Variants in SEMA6D observed in about 807,000 individuals in gnomAD.
SEMA6D encodes semaphorin-6D.
A neutral mutation model predicts 106.6 loss-of-function variants in SEMA6D; 35 were observed. That is an observed-to-expected ratio of 0.33 (90% CI 0.25 to 0.44). The LOEUF is 0.44. Ranked by LOEUF, SEMA6D falls within the 20% of genes least tolerant of loss-of-function variation. The pLI is 1.00. For synonymous variants in SEMA6D, 499 were observed against 487.7 expected, an observed-to-expected ratio of 1.02 and a Z score of -0.31; for missense variants, 1,185 against 1,345.9, an observed-to-expected ratio of 0.88 and a Z score of 1.87.
intron 1 of SEMA6D, among the ~76,000 whole-genome samples, chr15:47,403,125 T>A (rs1016026153): frequency 6.6e-6 from 1 of 152,180 alleles, no homozygotes; most frequent in Admixed American, 6.5e-5. Context: ...TTGGATTTAA[T>A]GAGTAGGAAG....
At chr15:47,688,442 A>C (rs901408208) in intron 4 of SEMA6D, among the ~76,000 whole-genome samples, 2 of 152,210 alleles carry the variant, frequency 1.3e-5, no homozygotes, top group Non-Finnish European at 2.9e-5. Flanking sequence ...ATCATAATAG[A>C]AGCTGGAATA....
chr15:47,231,742 C>T (rs1178127335), intron 1 of SEMA6D, among the ~76,000 whole-genome samples: 1 of 151,998 alleles, frequency 6.6e-6, no homozygotes, highest in African/African-American at 2.4e-5. Flanking sequence ...TTTTCTAATT[C>T]TTACCCTGCT....
intron 1 of SEMA6D, among the ~76,000 whole-genome samples, chr15:47,273,204 A>G (rs1159829462): frequency 6.6e-6 from 1 of 152,054 alleles, no homozygotes; most frequent in South Asian, 2.1e-4. Context: ...TGATGCCCCA[A>G]GAGTGAGATA....
chr15:47,666,932 C>A (rs908466152), intron 4 of SEMA6D, among the ~76,000 whole-genome samples: 1 of 152,158 alleles, frequency 6.6e-6, no homozygotes, highest in African/African-American at 2.4e-5. Context: ...TGGGAGAGTG[C>A]CCAAGCCACA....
chr15:47,541,945 T>C (rs917951682), intron 3 of SEMA6D, among the ~76,000 whole-genome samples: 10 of 152,164 alleles, frequency 6.6e-5, no homozygotes, highest in Non-Finnish European at 1.3e-4. Context: ...TTGCAGCTGC[T>C]TATTTGATTT....
At chr15:47,729,945 G>C (rs1024796544) in intron 1 of SEMA6D, among the ~76,000 whole-genome samples, 3 of 152,230 alleles carry the variant, frequency 2.0e-5, no homozygotes, top group African/African-American at 4.8e-5. Context: ...GCTAGCCTTA[G>C]TTTTCTCCTT....
chr15:47,316,115 C>G (rs1014848496), intron 1 of SEMA6D, among the ~76,000 whole-genome samples: 31 of 2,056 alleles, frequency 0.015, no homozygotes, highest in African/African-American at 0.047. Flanking sequence ...TTTTTTGAGA[C>G]AGAATCTTGT....
At chr15:47,225,127 T>G (rs1171567161) in intron 1 of SEMA6D, among the ~76,000 whole-genome samples, 1 of 151,980 alleles carries the variant, frequency 6.6e-6, no homozygotes, top group Non-Finnish European at 1.5e-5. Context: ...TCACCAACTC[T>G]GGAGACTTGA....
Position 47,731,000 on chromosome 15 carries a change from C to T in SEMA6D, c.-55+13308C>T, listed in dbSNP as rs927052759. ...TTACCTAAGCAGTACAATCAAATAC[C>T]ATGCTGATTTTAGAAAATATTAATC... On this transcript the variant is annotated intron_variant, in intron 1 of 18. Transcript: ENST00000536845. 9 of 610,312 alleles carry T rather than the reference C, an allele frequency of 1.5e-5. No homozygotes were observed. The Admixed American group carries it at 2.3e-4, about 16-fold the overall frequency. 37.8% of individuals were successfully genotyped at this position (610,312 alleles called of 1,614,324 possible). A position where few individuals can be genotyped will look rare whatever the true frequency, so the allele number is the denominator to read the frequency against.
intron 1 of SEMA6D, among the ~76,000 whole-genome samples, chr15:47,729,737 T>C (rs1181894062): frequency 1.3e-5 from 2 of 152,218 alleles, no homozygotes; most frequent in Non-Finnish European, 2.9e-5. Context: ...TCCCTCACTC[T>C]CTTACCCATC....
intron 1 of SEMA6D, among the ~76,000 whole-genome samples, chr15:47,355,889 G>A (rs1382231342): frequency 6.6e-6 from 1 of 152,136 alleles, no homozygotes; most frequent in Non-Finnish European, 1.5e-5. Flanking sequence ...GCAACATTTT[G>A]TTGTTTTAAA....
At chr15:47,556,975 T>C (rs781222931) in intron 3 of SEMA6D, among the ~76,000 whole-genome samples, 1 of 152,142 alleles carries the variant, frequency 6.6e-6, no homozygotes, top group Non-Finnish European at 1.5e-5. Flanking sequence ...ACCTCATCAC[T>C]AAAATGTACA....
intron 3 of SEMA6D, among the ~76,000 whole-genome samples, chr15:47,480,462 C>G (rs1490108762): frequency 6.6e-6 from 1 of 152,104 alleles, no homozygotes; most frequent in East Asian, 1.9e-4. Flanking sequence ...CATTATTCTC[C>G]TTCAGACCCT....
chr15:47,712,123 G>T lies in SEMA6D; in HGVS notation c.-54-47622G>T, dbSNP rs138168073. Among the ~76,000 whole-genome samples, 580 of 152,270 alleles carry T rather than the reference G, an allele frequency of 3.8e-3. 2 individuals are homozygous for T. Among genetic ancestry groups the T allele is most frequent in the African/African-American group, 0.013 (550 of 41,558 alleles). ...AATAGAATGTATATAATATACAGAG[G>T]TTTAAACTATGCTATGAATCCTATT... On this transcript the variant is annotated intron_variant, in intron 4 of 19. Transcript: ENST00000558014.
intron 1 of SEMA6D, chr15:47,241,178 T>A (rs1429883148): frequency 6.6e-6 from 1 of 152,214 alleles, no homozygotes; most frequent in Non-Finnish European, 1.5e-5. Context: ...TAGAGTTAAA[T>A]GACTCTATTG....
At chr15:47,209,169 T>C (rs572451179) in intron 1 of SEMA6D, among the ~76,000 whole-genome samples, 24 of 152,284 alleles carry the variant, frequency 1.6e-4, no homozygotes, top group Non-Finnish European at 2.6e-4. Flanking sequence ...GAATAAAATA[T>C]TCAATAAAAT....
chr15:47,250,283 A>G (rs1338845316), intron 1 of SEMA6D, among the ~76,000 whole-genome samples: 1 of 151,674 alleles, frequency 6.6e-6, no homozygotes, highest in Non-Finnish European at 1.5e-5. Flanking sequence ...ATACTGTGCC[A>G]TGGAGCAACC....
intron 3 of SEMA6D, among the ~76,000 whole-genome samples, chr15:47,507,856 A>T (rs2044099738): frequency 1.3e-5 from 2 of 152,208 alleles, no homozygotes; most frequent in African/African-American, 4.8e-5. Flanking sequence ...TGCATATGCT[A>T]AAGTGTCTTT....
intron 2 of SEMA6D, among the ~76,000 whole-genome samples, chr15:47,449,054 G>A (rs781463843): frequency 1.3e-5 from 2 of 151,968 alleles, no homozygotes; most frequent in Non-Finnish European, 1.5e-5. Context: ...TCCTACGCAC[G>A]TTCTGAAGAG....
Sources: gnomAD v4.1 joint callset for allele counts (sites outside exome capture counted in the v4.1 genomes callset) on GRCh38, gnomAD v4.1.1 for gene constraint, MANE v1.5 for transcripts, NCBI Gene and HGNC (gene_info 2026-07-23, HGNC 2026-07-21) for gene names.